SRL: variants seen among roughly 807,000 people sequenced by gnomAD.
The protein encoded by SRL is sarcalumenin.
A neutral mutation model predicts 39.5 loss-of-function variants in SRL; 23 were observed. The ratio of observed to expected loss-of-function variants is 0.58; its 90% CI spans 0.42 to 0.82. The LOEUF is 0.82. SRL is among the 40% of genes least tolerant of loss of function. The probability of loss-of-function intolerance (pLI) is 0.00; values close to 1 mark genes in which losing one functional copy is unlikely to be tolerated. For missense variants in SRL, 592 were observed against 607.8 expected (o/e 0.97, Z 0.27); for synonymous variants, 272 against 237.4 (o/e 1.15, Z -1.34).
intron 1 of SRL, among the ~76,000 whole-genome samples, chr16:4,228,479 C>T (rs536106557): frequency 3.7e-4 from 56 of 151,990 alleles, no homozygotes; most frequent in East Asian, 5.8e-4. Flanking sequence ...CTCACACCTA[C>T]AATCCCAGCA....
At position 4,197,869 on chromosome 16, in the gene SRL, C is replaced by T. The variant is rs1567174875; in HGVS notation, c.306G>A (p.Trp102Ter). The change falls in exon 4 of 6, where the codon TGG (tryptophan) becomes TGA (stop). Residue 102 changes from tryptophan to a stop codon, truncating the protein, a stop_gained. Transcript: ENST00000399609. LOFTEE classifies it high-confidence loss of function. ...TTATCATGGTAGATTTACCAACACT[C>T]CACGGTCCCAGGAACAGTACCATGG... Reference protein sequence around the residue: ...SKPMVLFLGPWSVGKSTMINY... With the variant: ...SKPMVLFLGP 6.2e-7 allele frequency: 1 copy of T among 1,614,154 alleles called. No individual in the cohort carries two copies.
chr16:4,236,971 T>G (rs1049360215), intron 1 of SRL, among the ~76,000 whole-genome samples: 10 of 150,138 alleles, frequency 6.7e-5, no homozygotes, highest in Non-Finnish European at 1.3e-4. Context: ...AGACAAGGTC[T>G]CACTCAGTTG....
intron 3 of SRL, among the ~76,000 whole-genome samples, chr16:4,198,393 T>C (rs1402800242): frequency 5.9e-5 from 9 of 152,112 alleles, no homozygotes; most frequent in Non-Finnish European, 1.2e-4. Context: ...AGCCTGGGGC[T>C]CCCCAAATTC....
chr16:4,223,236 A>AC (rs1382697396), intron 1 of SRL, among the ~76,000 whole-genome samples: 1 of 147,468 alleles, frequency 6.8e-6, no homozygotes, highest in African/African-American at 2.7e-5. Context: ...TGTCTCAAAA[A>AC]AAAAAAAAAA....
At chr16:4,241,863 G>T in intron 1 of SRL, 144 bp downstream of exon 1, 1 of 832,600 alleles carries the variant, frequency 1.2e-6, no homozygotes, top group African/African-American at 1.7e-5. Flanking sequence ...CAGGCCCGGG[G>T]AAAAGAGAAG....
intron 1 of SRL, 90 bp downstream of exon 1, chr16:4,241,917 C>T (rs1287757308): frequency 8.2e-6 from 12 of 1,457,018 alleles, no homozygotes; most frequent in East Asian, 2.3e-5. Flanking sequence ...CCATCAGCCC[C>T]GACCCCCTAC....
At chr16:4,227,247 T>A (rs1186667498) in intron 1 of SRL, among the ~76,000 whole-genome samples, 4 of 150,008 alleles carry the variant, frequency 2.7e-5, no homozygotes, top group Non-Finnish European at 5.9e-5. Flanking sequence ...GATGGATGGA[T>A]GAAGGGATGG....
At chr16:4,204,396 G>T in intron 2 of SRL, 137 bp downstream of exon 2, 2 of 78,592 alleles carry the variant, frequency 2.5e-5, no homozygotes, top group Non-Finnish European at 4.2e-5. Context: ...GTCCCCTCCA[G>T]CCTCCAAGAT....
intron 1 of SRL, among the ~76,000 whole-genome samples, chr16:4,220,951 G>A (rs936466600): frequency 5.0e-4 from 76 of 151,962 alleles, no homozygotes; most frequent in Admixed American, 9.8e-4. Context: ...GTGCCACTGC[G>A]CTCCAGCCTG....
chr16:4,222,958 G>A (rs975557482), intron 1 of SRL, among the ~76,000 whole-genome samples: 1 of 152,016 alleles, frequency 6.6e-6, no homozygotes, highest in Non-Finnish European at 1.5e-5. Context: ...GGCTGAGTGC[G>A]GTGGCTCATG....
intron 1 of SRL, among the ~76,000 whole-genome samples, chr16:4,226,058 C>G (rs1029756688): frequency 2.0e-5 from 3 of 152,162 alleles, no homozygotes; most frequent in Non-Finnish European, 2.9e-5. Context: ...CTGACTCACT[C>G]CTTCCTCTTC....
chr16:4,211,547 G>A (rs113452857), intron 1 of SRL, among the ~76,000 whole-genome samples: 3 of 72,574 alleles, frequency 4.1e-5, no homozygotes, highest in Admixed American at 2.3e-4. Flanking sequence ...GGTGATGACC[G>A]TGCCGATGAT....
At chr16:4,220,019 A>G (rs990290681) in intron 1 of SRL, among the ~76,000 whole-genome samples, 1 of 152,124 alleles carries the variant, frequency 6.6e-6, no homozygotes, top group African/African-American at 2.4e-5. Flanking sequence ...AGACCCTCCC[A>G]GCCCACCTTG....
chr16:4,234,120 G>A (rs940134025), intron 1 of SRL, among the ~76,000 whole-genome samples: 8 of 152,014 alleles, frequency 5.3e-5, no homozygotes, highest in Admixed American at 3.3e-4. Context: ...TCAGCCCCCT[G>A]AGTAGCTGAG....
At chr16:4,193,201 C>T (rs997237150) in intron 5 of SRL, among the ~76,000 whole-genome samples, 1 of 152,216 alleles carries the variant, frequency 6.6e-6, no homozygotes, top group African/African-American at 2.4e-5. Flanking sequence ...CAGGGTCTCA[C>T]TCTGTCACCC....
intron 1 of SRL, among the ~76,000 whole-genome samples, chr16:4,228,177 G>A (rs895499582): frequency 1.3e-5 from 2 of 152,122 alleles, no homozygotes; most frequent in Admixed American, 6.6e-5. Context: ...AGTGGCTCAC[G>A]CCTGTAATCC....
At chr16:4,229,729 T>C (rs1353362614) in intron 1 of SRL, among the ~76,000 whole-genome samples, 1 of 152,032 alleles carries the variant, frequency 6.6e-6, no homozygotes, top group Non-Finnish European at 1.5e-5. Context: ...AACCTCAGCA[T>C]CATGCACTAC....
intron 1 of SRL, among the ~76,000 whole-genome samples, chr16:4,228,633 G>A (rs1431624795): frequency 6.6e-6 from 1 of 152,040 alleles, no homozygotes; most frequent in Non-Finnish European, 1.5e-5. Context: ...TACTCGGGAG[G>A]TTGAGGCAGG....
Position 4,203,278 on chromosome 16 carries a change from C to A in SRL, c.164-17G>T. ...GCAGCACCGCTGGAGACAGAGAGGGCCGGGGGAAGAGCATCACGCAGGTGC... is the reference window on the plus strand; with the variant it reads ...GCAGCACCGCTGGAGACAGAGAGGGACGGGGGAAGAGCATCACGCAGGTGC... On this transcript the variant is annotated splice_polypyrimidine_tract_variant and intron_variant, in intron 2 of 5. Coordinates refer to ENST00000399609, the MANE Select transcript of SRL (RefSeq NM_001098814.2). 1.2e-6 allele frequency: 2 copies of A among 1,610,042 alleles called. No homozygotes were observed. Among genetic ancestry groups the A allele is most frequent in the Non-Finnish European group, 1.7e-6 (2 of 1,176,494 alleles).
Sources: gnomAD v4.1 joint callset for allele counts (sites outside exome capture counted in the v4.1 genomes callset) on GRCh38, gnomAD v4.1.1 for gene constraint, MANE v1.5 for transcripts, NCBI Gene and HGNC (gene_info 2026-07-23, HGNC 2026-07-21) for gene names.